F8: variants seen among roughly 807,000 people sequenced by gnomAD.
F8 encodes antihemophilic factor.
F8 carries 12 observed loss-of-function variants against 140.6 expected under a neutral mutation model. That is an observed-to-expected ratio of 0.09 (90% confidence interval 0.05 to 0.14). The LOEUF is 0.14. Among genes scored for constraint, F8 ranks in the 10% least tolerant of loss-of-function variants. The pLI is 1.00. For missense variants in F8, 1,354 were observed against 1,720.7 expected (o/e 0.79, Z 3.77); for synonymous variants, 585 against 614.6 (o/e 0.95, Z 0.71).
chrX:155,014,796 C>G (rs782263762), intron 1 of F8, among the ~76,000 whole-genome samples: 1 of 111,932 alleles, frequency 8.9e-6, no homozygotes, highest in East Asian at 2.8e-4. Flanking sequence ...AGAAACAAAG[C>G]CATACCATGT....
intron 25 of F8, among the ~76,000 whole-genome samples, chrX:154,855,785 A>G (rs1433656849): frequency 1.8e-5 from 2 of 110,905 alleles, no homozygotes; most frequent in African/African-American, 6.6e-5. Flanking sequence ...TATTAGATCT[A>G]TAACTACACT....
At position 154,929,262 on chromosome X, in the gene F8, T is replaced by C; in HGVS notation, c.4528A>G (p.Lys1510Glu). 1 of 1,211,974 alleles carries C rather than the reference T, an allele frequency of 8.3e-7. No homozygotes were observed. Among genetic ancestry groups the C allele is most frequent in the Non-Finnish European group, 1.1e-6 (1 of 895,567 alleles). Residue 1510 changes from lysine (K) to glutamate (E), a missense_variant, in exon 14 of 26, where the codon AAA (lysine) becomes GAA (glutamate). By Grantham distance (56) the Lys-to-Glu change is moderately conservative. Coordinates refer to ENST00000360256, the MANE Select transcript of F8 (RefSeq NM_000132.4). ...PKPDLPKTSG[K>E]VELLPKVHIY... ...TGAACTTTTGGAAGCAATTCAACTT[T>C]GCCAGATGTTTTGGGCAAGTCTGGT...
At chrX:154,950,649 C>T (rs1190315131) in intron 12 of F8, among the ~76,000 whole-genome samples, 1 of 112,072 alleles carries the variant, frequency 8.9e-6, no homozygotes, top group African/African-American at 3.2e-5. Flanking sequence ...TAACTGTAGT[C>T]ACCATAGTGT....
chrX:155,010,843 C>T (rs1456133809), intron 1 of F8, among the ~76,000 whole-genome samples: 1 of 111,560 alleles, frequency 9.0e-6, no homozygotes, highest in Non-Finnish European at 1.9e-5. Context: ...CATCTGCAGG[C>T]TATATAGGCT....
intron 22 of F8, among the ~76,000 whole-genome samples, chrX:154,892,919 C>G (rs782185689): frequency 8.9e-6 from 1 of 111,778 alleles, no homozygotes; most frequent in South Asian, 3.8e-4. Flanking sequence ...TCAACACAGA[C>G]CTTCAGACTG....
chrX:154,896,125 A>G lies in F8; in HGVS notation c.6381T>C (p.Asp2127=), dbSNP rs782214402. ...ISQFIIMYSL[D]GKKWQTYRGN... ...CTCGATAAGTCTGCCACTTCTTCCC[A>G]TCAAGACTATACATGATGATAAACT... is the stretch of plus-strand genomic sequence containing the variant. Residue 2127 remains aspartate, a synonymous_variant, in exon 22 of 26, where the codon GAT becomes GAC. Coordinates refer to ENST00000360256, the MANE Select transcript of F8 (RefSeq NM_000132.4). 11 of 1,208,705 alleles carry G rather than the reference A, an allele frequency of 9.1e-6. No individual in the cohort carries two copies. The highest frequency in any genetic ancestry group is 6.7e-6 in the Non-Finnish European group (6 of 894,231).
chrX:155,009,762 A>G (rs1348674683), intron 1 of F8, among the ~76,000 whole-genome samples: 1 of 111,248 alleles, frequency 9.0e-6, no homozygotes, highest in Non-Finnish European at 1.9e-5. Flanking sequence ...ATAAATAAAT[A>G]AATGTTTCTG....
intron 22 of F8, among the ~76,000 whole-genome samples, chrX:154,879,164 G>A (rs781939109): frequency 3.8e-4 from 42 of 111,187 alleles, no homozygotes; most frequent in Admixed American, 3.3e-3. Context: ...ATGTGTAATT[G>A]TGCAAGACCT....
intron 14 of F8, among the ~76,000 whole-genome samples, chrX:154,921,852 G>A (rs1242875753): frequency 9.4e-6 from 1 of 106,569 alleles, no homozygotes; most frequent in Non-Finnish European, 1.9e-5. Flanking sequence ...ACACAGGTAG[G>A]GGAACATCAC....
chrX:154,982,441 G>A (rs1490511008), intron 6 of F8, among the ~76,000 whole-genome samples: 5 of 60,541 alleles, frequency 8.3e-5, no homozygotes, highest in East Asian at 8.9e-4. Context: ...GCAAGACTCC[G>A]TCTCAAAAAA....
chrX:154,947,321 C>A (rs955714319), intron 13 of F8, among the ~76,000 whole-genome samples: 1 of 108,002 alleles, frequency 9.3e-6, no homozygotes, highest in Non-Finnish European at 1.9e-5. Flanking sequence ...AAATGCAAAC[C>A]AAAAGCACAA....
chrX:154,979,967 AG>A (rs1209237256), intron 6 of F8, among the ~76,000 whole-genome samples: 3 of 111,457 alleles, frequency 2.7e-5, no homozygotes, highest in African/African-American at 9.8e-5. Context: ...GGTGAAAATG[AG>A]GAACACTAAG....
chrX:154,951,343 T>C lies in F8; in HGVS notation c.1903+2549A>G, dbSNP rs186228546. ...CCCCACAAAACACATGTGTTTATTC[T>C]CAAATGAACTCTTTCTAAGAGGTAG... is the stretch of plus-strand genomic sequence containing the variant. On this transcript the variant is annotated intron_variant, in intron 12 of 25. Coordinates refer to ENST00000360256, the MANE Select transcript of F8 (RefSeq NM_000132.4). 2.7e-4 allele frequency among the ~76,000 whole-genome samples: 30 copies of C among 112,132 alleles called. No homozygotes were observed. In the East Asian group the frequency reaches 7.8e-3, roughly 29 times the overall value.
intron 25 of F8, among the ~76,000 whole-genome samples, chrX:154,859,746 G>A (rs1451205016): frequency 9.0e-6 from 1 of 111,604 alleles, no homozygotes; most frequent in African/African-American, 3.3e-5. Context: ...CTTTCATCCA[G>A]CCTTGATGGA....
At chrX:154,954,532 A>G (rs1448968364) in intron 11 of F8, among the ~76,000 whole-genome samples, 1 of 112,507 alleles carries the variant, frequency 8.9e-6, no homozygotes, top group African/African-American at 3.2e-5. Flanking sequence ...AGATAAGGTG[A>G]ACCACAAAAA....
intron 20 of F8, 139 bp from the exon 21 acceptor site, chrX:154,900,090 A>G: frequency 2.1e-6 from 1 of 479,282 alleles, no homozygotes; most frequent in East Asian, 3.7e-5. Context: ...ATGGCATACC[A>G]GTATCAATTA....
chrX:154,900,015 A>C, intron 20 of F8, 64 bp from the exon 21 acceptor site: 1 of 999,304 alleles, frequency 1.0e-6, no homozygotes. Flanking sequence ...CTTGAGAATA[A>C]AATTATTGTC....
chrX:154,845,528 T>C (rs781917163), intron 25 of F8, among the ~76,000 whole-genome samples: 1 of 112,216 alleles, frequency 8.9e-6, no homozygotes, highest in Admixed American at 9.4e-5. Flanking sequence ...TGGGAGGGTG[T>C]ATGTGTCCAG....
At chrX:154,945,738 C>T (rs2073300429) in intron 13 of F8, among the ~76,000 whole-genome samples, 1 of 111,505 alleles carries the variant, frequency 9.0e-6, no homozygotes, top group African/African-American at 3.3e-5. Context: ...AAGTCCAAGC[C>T]AGAACAAGTA....
Sources: gnomAD v4.1 joint callset for allele counts (sites outside exome capture counted in the v4.1 genomes callset) on GRCh38, gnomAD v4.1.1 for gene constraint, MANE v1.5 for transcripts, NCBI Gene and HGNC (gene_info 2026-07-23, HGNC 2026-07-21) for gene names.